XPNPEP3: variants seen among roughly 807,000 people sequenced by gnomAD.
XPNPEP3 encodes the protein X-prolyl aminopeptidase 3.
In XPNPEP3, 41 loss-of-function variants were observed where a neutral mutation model predicts 60.0. That is an observed-to-expected ratio of 0.68 (90% CI 0.53 to 0.89). The LOEUF (loss-of-function observed/expected upper bound fraction) is 0.89. Ranked by LOEUF, XPNPEP3 falls within the 40% of genes least tolerant of loss-of-function variation. XPNPEP3 has a pLI of 0.00. For missense variants in XPNPEP3, 598 were observed against 638.9 expected (o/e 0.94, Z 0.69); for synonymous variants, 212 against 223.2 (o/e 0.95, Z 0.45).
At chr22:40,888,126 A>G (rs771973861) in intron 4 of XPNPEP3, among the ~76,000 whole-genome samples, 4 of 152,064 alleles carry the variant, frequency 2.6e-5, no homozygotes, top group African/African-American at 4.8e-5. Context: ...AGTAACCTCT[A>G]CTTTCTCTGT....
chr22:40,864,678 C>G (rs945934582), intron 1 of XPNPEP3, among the ~76,000 whole-genome samples: 4 of 152,182 alleles, frequency 2.6e-5, no homozygotes, highest in African/African-American at 7.2e-5. Flanking sequence ...CTCCCAACCT[C>G]AGGTGATCTG....
intron 2 of XPNPEP3, chr22:40,869,920 C>A: frequency 2.8e-6 from 1 of 357,256 alleles, no homozygotes; most frequent in Non-Finnish European, 5.7e-6. Flanking sequence ...ATGTATTTGC[C>A]ATATAAGCAT....
At chr22:40,881,382 A>T (rs2058047420) in intron 2 of XPNPEP3, among the ~76,000 whole-genome samples, 1 of 148,642 alleles carries the variant, frequency 6.7e-6, no homozygotes, top group African/African-American at 2.5e-5. Context: ...CTTGAGCCTG[A>T]GAGGCAGAGG....
chr22:40,907,644 G>A lies in XPNPEP3; in HGVS notation c.850G>A (p.Ala284Thr). 2 of 1,613,716 alleles carry A rather than the reference G, an allele frequency of 1.2e-6. No homozygotes were observed. The highest frequency in any genetic ancestry group is 1.7e-6 in the Non-Finnish European group (2 of 1,179,718). The change falls in exon 5 of 10, where the codon GCT becomes ACT. Residue 284 changes from alanine to threonine, a missense_variant. Coordinates refer to ENST00000357137, the MANE Select transcript of XPNPEP3 (RefSeq NM_022098.4). ...CCCTGTGGAAGAAGCCTTTCTTTATGCTAAGGTGAGATTCAGATGGTTAGC... is the reference window on the plus strand; with the variant it reads ...CCCTGTGGAAGAAGCCTTTCTTTATACTAAGGTGAGATTCAGATGGTTAGC... ...KAPVEEAFLY[A>T]KFEFECRARG...
In XPNPEP3 at chr22:40,927,219, A is replaced by T. The variant is rs3180259; in HGVS notation, c.*784A>T. On this transcript the variant is annotated 3_prime_UTR_variant, in exon 10 of 10. Coordinates refer to ENST00000357137, the MANE Select transcript of XPNPEP3 (RefSeq NM_022098.4). Reference sequence around the variant, plus strand: ...GCTGGGCACAGCGGTTCCGCCTGTAATCCCAGCACTTTGGGAGGTCCAGGC... The same window carrying T: ...GCTGGGCACAGCGGTTCCGCCTGTATTCCCAGCACTTTGGGAGGTCCAGGC... The T allele has an allele frequency of 6.6e-6, 1 of 152,424 alleles. No homozygotes were observed. Among genetic ancestry groups the T allele is most frequent in the Non-Finnish European group, 1.5e-5 (1 of 68,190 alleles). The allele number at this position is 152,424 out of a possible 1,614,324, so 9.4% of individuals were successfully genotyped here. A position where few individuals can be genotyped will look rare whatever the true frequency, so the allele number is the denominator to read the frequency against.
chr22:40,873,801 AAAATAAAATAG>A (rs1444921250), intron 2 of XPNPEP3, among the ~76,000 whole-genome samples: 1 of 152,180 alleles, frequency 6.6e-6, no homozygotes, highest in Non-Finnish European at 1.5e-5. Context: ...TCTCAAAAAT[AAAATAAAATAG>A]AAATAAAATA....
chr22:40,867,058 C>T (rs1767400465), intron 1 of XPNPEP3, among the ~76,000 whole-genome samples: 1 of 152,228 alleles, frequency 6.6e-6, no homozygotes. Flanking sequence ...CAGCAGCCTA[C>T]TCCACCAGTG....
chr22:40,862,508 A>G, intron 1 of XPNPEP3: 3 of 985,744 alleles, frequency 3.0e-6, no homozygotes, highest in Non-Finnish European at 3.6e-6. Context: ...ATTTCAGTCA[A>G]GAAACAGTTC....
intron 2 of XPNPEP3, among the ~76,000 whole-genome samples, chr22:40,874,866 G>T (rs1376569336): frequency 6.6e-6 from 1 of 152,186 alleles, no homozygotes; most frequent in Non-Finnish European, 1.5e-5. Flanking sequence ...ATGTTTTAAA[G>T]CAGAGAATGT....
At chr22:40,883,340 A>G (rs1394390640) in intron 3 of XPNPEP3, among the ~76,000 whole-genome samples, 5 of 152,084 alleles carry the variant, frequency 3.3e-5, no homozygotes, top group African/African-American at 1.2e-4. Context: ...TTTGTGGTTC[A>G]TATACAGTTG....
intron 5 of XPNPEP3, 53 bp downstream of exon 5, chr22:40,907,702 T>C (rs1381668565): frequency 1.9e-6 from 3 of 1,567,808 alleles, no homozygotes; most frequent in African/African-American, 1.4e-5. Flanking sequence ...ATATAATAAT[T>C]TGATTTGCAG....
Position 40,928,072 on chromosome 22 carries a change from T to C in XPNPEP3, c.*1637T>C, listed in dbSNP as rs928024773. 2.0e-5 allele frequency: 3 copies of C among 152,086 alleles called. No individual in the cohort carries two copies. The highest frequency in any genetic ancestry group is 7.2e-5 in the African/African-American group (3 of 41,428). 9.4% of individuals were successfully genotyped at this position (152,086 alleles called of 1,614,324 possible). A position where few individuals can be genotyped will look rare whatever the true frequency, so the allele number is the denominator to read the frequency against. On this transcript the variant is annotated 3_prime_UTR_variant, in exon 10 of 10. Coordinates refer to ENST00000357137, the MANE Select transcript of XPNPEP3 (RefSeq NM_022098.4). ...AGTTTTCAGAGAAGTACCCCTGTTA[T>C]CATTCTGTGATTTCCTCTAGTGCTA...
intron 4 of XPNPEP3, among the ~76,000 whole-genome samples, chr22:40,906,036 C>A (rs879841882): frequency 1.3e-5 from 2 of 152,120 alleles, no homozygotes; most frequent in African/African-American, 2.4e-5. Flanking sequence ...CATGATCTGT[C>A]CACCTCAGCC....
chr22:40,900,541 G>A (rs1325951833), intron 4 of XPNPEP3, among the ~76,000 whole-genome samples: 1 of 152,086 alleles, frequency 6.6e-6, no homozygotes, highest in Non-Finnish European at 1.5e-5. Flanking sequence ...GGTAGGTGGA[G>A]GTTGTCATGA....
chr22:40,859,173 G>C (rs1268051109), intron 1 of XPNPEP3, among the ~76,000 whole-genome samples: 1 of 152,202 alleles, frequency 6.6e-6, no homozygotes, highest in East Asian at 1.9e-4. Flanking sequence ...CCCTGGAACA[G>C]ATTTTGGGAG....
At position 40,882,030 on chromosome 22, in the gene XPNPEP3, A is replaced by G. The variant is rs765710614; in HGVS notation, c.442A>G (p.Lys148Glu). ...CCCTGGCAAACAATTACCATCACAC[A>G]AAGCCATACTTTTTGTGCCTCGGCG... Reference protein sequence around the residue: ...SLPGKQLPSHKAILFVPRRDP... With the variant: ...SLPGKQLPSHEAILFVPRRDP... The change falls in exon 3 of 10, where the codon AAA (lysine) becomes GAA (glutamate). Residue 148 changes from lysine (K) to glutamate (E), a missense_variant. Transcript: ENST00000357137. 1 of 1,614,152 alleles carries G rather than the reference A, an allele frequency of 6.2e-7. No individual in the cohort carries two copies. The highest frequency in any genetic ancestry group is 1.6e-4 in the Middle Eastern group (1 of 6,062).
At chr22:40,912,146 A>G (rs2058179519) in intron 6 of XPNPEP3, among the ~76,000 whole-genome samples, 1 of 152,172 alleles carries the variant, frequency 6.6e-6, no homozygotes. Context: ...GAATTTAATA[A>G]ATATTATAAA....
Position 40,905,225 on chromosome 22 carries a change from G to T in XPNPEP3, c.793-2362G>T, listed in dbSNP as rs938756905. Among the ~76,000 whole-genome samples, 3 of 151,698 alleles carry T rather than the reference G, an allele frequency of 2.0e-5. No homozygotes were observed. In the South Asian group the frequency reaches 6.2e-4, roughly 32 times the overall value. On this transcript the variant is annotated intron_variant, in intron 4 of 9. Transcript: ENST00000357137. ...CTCCCGAGTAACTAGGACCACAGGC[G>T]CGTACCACCACGCCCAGCTAATTTT...
intron 7 of XPNPEP3, chr22:40,917,758 G>A (rs757225366): frequency 7.9e-5 from 12 of 152,184 alleles, no homozygotes; most frequent in Non-Finnish European, 1.6e-4. Flanking sequence ...TCCTTCAGCA[G>A]CACATATACT....
Sources: allele counts gnomAD v4.1 joint callset (sites outside exome capture counted in the v4.1 genomes callset), GRCh38; gene constraint gnomAD v4.1.1; transcripts MANE v1.5; gene names NCBI Gene and HGNC (gene_info 2026-07-23, HGNC 2026-07-21).